Variants in GBF1 observed in about 807,000 individuals in gnomAD.
The protein encoded by GBF1 is golgi brefeldin A resistant guanine nucleotide exchange factor 1, also known as Golgi-specific brefeldin A-resistance guanine nucleotide exchange factor 1.
A neutral mutation model predicts 210.5 loss-of-function variants in GBF1; 114 were observed. The observed-to-expected ratio is 0.54, with a 90% CI of 0.47 to 0.63. The LOEUF is 0.63. Among genes scored for constraint, GBF1 ranks in the 30% least tolerant of loss-of-function variants. The probability of loss-of-function intolerance (pLI) is 0.00; values close to 1 mark genes in which losing one functional copy is unlikely to be tolerated. For synonymous variants in GBF1, 850 were observed against 889.2 expected (o/e 0.96, Z 0.78); for missense variants, 1,851 against 2,357.7 (o/e 0.79, Z 4.45).
chr10:102,335,498 A>G (rs545729496), intron 3 of GBF1, among the ~76,000 whole-genome samples: 1 of 152,352 alleles, frequency 6.6e-6, no homozygotes, highest in South Asian at 2.1e-4. Context: ...GATCCAGACA[A>G]TTGAATCTCA....
intron 1 of GBF1, among the ~76,000 whole-genome samples, chr10:102,251,386 A>G (rs748775819): frequency 3.3e-5 from 5 of 151,872 alleles, no homozygotes; most frequent in Non-Finnish European, 7.4e-5. Context: ...ATGTTATTTC[A>G]TTTGTTCATC....
chr10:102,292,122 C>T (rs2076492621), intron 3 of GBF1, among the ~76,000 whole-genome samples: 2 of 151,936 alleles, frequency 1.3e-5, no homozygotes, highest in African/African-American at 4.8e-5. Flanking sequence ...ATCTCTTGAC[C>T]TCGTGATCTG....
chr10:102,322,247 C>A (rs1380255059), intron 3 of GBF1, among the ~76,000 whole-genome samples: 1 of 152,120 alleles, frequency 6.6e-6, no homozygotes, highest in South Asian at 2.1e-4. Flanking sequence ...TATTCAAGTT[C>A]TTTTTCAAAG....
At chr10:102,381,832 A>G (rs1178511495) in intron 39 of GBF1, among the ~76,000 whole-genome samples, 4 of 149,828 alleles carry the variant, frequency 2.7e-5, no homozygotes, top group African/African-American at 4.9e-5. Context: ...CGAAAAAAAA[A>G]AAAAAAAAAA....
At chr10:102,230,675 C>T in the GBF1 span, 4 of 1,581,558 alleles carry the variant, frequency 2.5e-6, no homozygotes, top group East Asian at 2.3e-5. Flanking sequence ...GGGGAAGAGG[C>T]GGCAGCCGCG....
intron 3 of GBF1, among the ~76,000 whole-genome samples, chr10:102,324,239 C>A (rs933292766): frequency 2.6e-5 from 4 of 152,170 alleles, no homozygotes; most frequent in African/African-American, 9.7e-5. Context: ...GGGCTAGAGT[C>A]TTTTCTCACA....
At chr10:102,332,852 AG>A (rs1441817871) in intron 3 of GBF1, among the ~76,000 whole-genome samples, 2 of 152,220 alleles carry the variant, frequency 1.3e-5, no homozygotes, top group African/African-American at 4.8e-5. Flanking sequence ...TAAGTCTAGA[AG>A]CATCCTGAGA....
intron 3 of GBF1, among the ~76,000 whole-genome samples, chr10:102,270,087 C>T (rs578123838): frequency 6.6e-6 from 1 of 151,988 alleles, no homozygotes; most frequent in East Asian, 1.9e-4. Flanking sequence ...ACCATGTTAG[C>T]CAGGATGGTC....
intron 3 of GBF1, among the ~76,000 whole-genome samples, chr10:102,288,733 A>AC (rs954641738): frequency 2.7e-5 from 4 of 146,068 alleles, no homozygotes; most frequent in Non-Finnish European, 6.1e-5. Context: ...AAAAAAAAAA[A>AC]AACAAAAAAA....
At chr10:102,343,930 G>C (rs1341211760) in intron 3 of GBF1, 121 bp from the exon 4 acceptor site, 1 of 691,066 alleles carries the variant, frequency 1.4e-6, no homozygotes, top group East Asian at 2.5e-5. Flanking sequence ...AGGTAATCCA[G>C]AGGGAAGAAG....
At chr10:102,255,110 G>A (rs755945937) in intron 1 of GBF1, among the ~76,000 whole-genome samples, 25 of 151,962 alleles carry the variant, frequency 1.6e-4, no homozygotes, top group African/African-American at 2.2e-4. Context: ...GCGCGATCTC[G>A]GCTCACTGTA....
At chr10:102,230,697 G>A in the GBF1 span, 1 of 1,563,170 alleles carries the variant, frequency 6.4e-7, no homozygotes, top group Non-Finnish European at 8.7e-7. Context: ...CGGCGGCGGC[G>A]GCCGAGGCAT....
At chr10:102,258,903 G>T in intron 1 of GBF1, 26 bp from the exon 2 acceptor site, 2 of 1,165,258 alleles carry the variant, frequency 1.7e-6, no homozygotes, top group South Asian at 2.4e-5. Context: ...ATATTAACCA[G>T]ACTATTATCT....
intron 3 of GBF1, among the ~76,000 whole-genome samples, chr10:102,319,281 C>T (rs2056161477): frequency 1.3e-5 from 2 of 152,092 alleles, no homozygotes; most frequent in Admixed American, 6.6e-5. Context: ...GATCGCGCCA[C>T]TGCACTCCAG....
rs1382997197 is a variant in GBF1 at position 102,382,342 on chromosome 10, G to GTCAC, written c.*10_*13dup. 6.3e-7 allele frequency: 1 copy of GTCAC among 1,598,860 alleles called. No homozygotes were observed. Among genetic ancestry groups the GTCAC allele is most frequent in the Non-Finnish European group, 8.5e-7 (1 of 1,171,674 alleles). ...CCACCTCTGAGGTCAACTAAGGCAGGTCACTCAGAGATCAGGACCAGTGCT... is the reference window on the plus strand; with the variant it reads ...CCACCTCTGAGGTCAACTAAGGCAGGTCACTCACTCAGAGATCAGGACCAGTGCT... On this transcript the variant is annotated 3_prime_UTR_variant, in exon 40 of 40. Transcript: ENST00000369983.
At chr10:102,316,474 G>C (rs17780667) in intron 3 of GBF1, among the ~76,000 whole-genome samples, 1 of 152,002 alleles carries the variant, frequency 6.6e-6, no homozygotes, top group Admixed American at 6.6e-5. Flanking sequence ...GGTAATTTTA[G>C]TAGTCCTCTT....
chr10:102,367,047 G>A (rs2059954575), intron 19 of GBF1, 38 bp from the exon 20 acceptor site: 6 of 1,611,306 alleles, frequency 3.7e-6, no homozygotes, highest in South Asian at 1.1e-5. Context: ...ATTGGCCAGA[G>A]AAGGGCATTG....
At chr10:102,304,690 C>A (rs887154014) in intron 3 of GBF1, among the ~76,000 whole-genome samples, 1 of 151,804 alleles carries the variant, frequency 6.6e-6, no homozygotes, top group Non-Finnish European at 1.5e-5. Flanking sequence ...AGGAGAATTG[C>A]TTGAACCTGG....
chr10:102,381,034 C>A, intron 38 of GBF1, 93 bp from the exon 39 acceptor site: 2 of 1,225,978 alleles, frequency 1.6e-6, no homozygotes, highest in Non-Finnish European at 1.2e-6. Flanking sequence ...ATTGTCTGTG[C>A]CCTGGGTGGG....
Sources: allele counts gnomAD v4.1 joint callset (sites outside exome capture counted in the v4.1 genomes callset), GRCh38; gene constraint gnomAD v4.1.1; transcripts MANE v1.5; gene names NCBI Gene and HGNC (gene_info 2026-07-23, HGNC 2026-07-21).